ST7: variants seen among roughly 807,000 people sequenced by gnomAD.
ST7 encodes suppressor of tumorigenicity 7 protein.
ST7 carries 28 observed loss-of-function variants against 78.7 expected under a neutral mutation model. That is an observed-to-expected ratio of 0.36 (90% CI 0.26 to 0.49). ST7 has a LOEUF of 0.49. Ranked by LOEUF, ST7 falls within the 20% of genes least tolerant of loss-of-function variation. The pLI is 0.99. For synonymous variants in ST7, 247 were observed against 249.6 expected (o/e 0.99, Z 0.10); for missense variants, 418 against 696.0 (o/e 0.60, Z 4.49).
intron 13 of ST7, among the ~76,000 whole-genome samples, chr7:117,214,100 T>C (rs1203471617): frequency 6.6e-6 from 1 of 152,236 alleles, no homozygotes; most frequent in African/African-American, 2.4e-5. Flanking sequence ...ATCTTGATCT[T>C]TTCAAGGCTG....
Position 117,230,159 on chromosome 7 carries a change from C to T in ST7, c.*302C>T. 2.1e-6 allele frequency: 1 copy of T among 484,956 alleles called. No individual in the cohort carries two copies. 30.0% of individuals were successfully genotyped at this position (484,956 alleles called of 1,614,324 possible). ...TAAAATTGTTGATGTCCCAAATAAACCTTTGGATTTACCTTGAGTTTCCTG... is the reference window on the plus strand; with the variant it reads ...TAAAATTGTTGATGTCCCAAATAAATCTTTGGATTTACCTTGAGTTTCCTG... On this transcript the variant is annotated 3_prime_UTR_variant, in exon 16 of 16. Coordinates refer to ENST00000323984, the MANE Select transcript of ST7 (RefSeq NM_001369598.1).
rs1185539217 is a variant in ST7 at position 116,982,900 on chromosome 7, TA to T, written c.151+29210del. 1.1e-4 allele frequency among the ~76,000 whole-genome samples: 16 copies of T among 151,908 alleles called. No homozygotes were observed. The South Asian group carries it at 3.1e-3, about 30-fold the overall frequency. On this transcript the variant is annotated intron_variant, in intron 1 of 15. Transcript: ENST00000323984. ...ATCTATGCACTTTTACATGTATATA[TA>T]TATTTTTTGTTTTTGAGATGGAGTT...
chr7:117,092,600 T>C (rs889953905), intron 1 of ST7, among the ~76,000 whole-genome samples: 2 of 152,154 alleles, frequency 1.3e-5, no homozygotes, highest in African/African-American at 4.8e-5. Flanking sequence ...TTAGTAAGGT[T>C]GAAAGAACAA....
At chr7:117,110,237 GA>G (rs1445493158) in intron 2 of ST7, among the ~76,000 whole-genome samples, 2 of 152,016 alleles carry the variant, frequency 1.3e-5, no homozygotes, top group Admixed American at 6.5e-5. Flanking sequence ...TAAGCAAATA[GA>G]AAAAAAGAAC....
intron 1 of ST7, among the ~76,000 whole-genome samples, chr7:117,068,596 A>G (rs1798759291): frequency 6.6e-6 from 1 of 152,248 alleles, no homozygotes; most frequent in Non-Finnish European, 1.5e-5. Flanking sequence ...AGAAAAATGA[A>G]GTCTTCCTTT....
intron 2 of ST7, chr7:117,112,229 T>C (rs1802489410): frequency 6.6e-6 from 1 of 152,080 alleles, no homozygotes; most frequent in African/African-American, 2.4e-5. Flanking sequence ...AATTCATGGA[T>C]TAAATGTAAA....
At chr7:117,112,755 A>T (rs1185652257) in intron 2 of ST7, 1 of 152,238 alleles carries the variant, frequency 6.6e-6, no homozygotes, top group East Asian at 1.9e-4. Context: ...ATAAATGTCA[A>T]GCTGTGTCAT....
intron 9 of ST7, among the ~76,000 whole-genome samples, chr7:117,165,319 A>T (rs922080064): frequency 6.6e-6 from 1 of 152,182 alleles, no homozygotes; most frequent in African/African-American, 2.4e-5. Flanking sequence ...CTGGTGACAG[A>T]GACTTCTCTA....
chr7:117,071,222 CAAAACAAAAACA>C (rs535283758), intron 1 of ST7, among the ~76,000 whole-genome samples: 373 of 152,092 alleles, frequency 2.5e-3, no homozygotes, highest in African/African-American at 8.4e-3. Flanking sequence ...GACTCCGTCT[CAAAACAAAAACA>C]AAAACAAAAA....
chr7:117,147,425 A>T (rs1047227706), intron 9 of ST7, among the ~76,000 whole-genome samples: 1 of 152,174 alleles, frequency 6.6e-6, no homozygotes, highest in Non-Finnish European at 1.5e-5. Flanking sequence ...GACTATGCCC[A>T]TGTATCTCAG....
chr7:117,210,393 C>T (rs1213035990), intron 13 of ST7, among the ~76,000 whole-genome samples: 2 of 152,204 alleles, frequency 1.3e-5, no homozygotes, highest in Non-Finnish European at 2.9e-5. Flanking sequence ...GGCAGTTATG[C>T]TTCAAACCAA....
At chr7:117,008,038 A>G (rs367650248) in intron 1 of ST7, among the ~76,000 whole-genome samples, 7 of 152,214 alleles carry the variant, frequency 4.6e-5, no homozygotes, top group Admixed American at 1.3e-4. Flanking sequence ...TATATTTTCA[A>G]TAGCCTTTCA....
chr7:116,975,302 C>T (rs949284910), intron 1 of ST7, among the ~76,000 whole-genome samples: 1 of 152,196 alleles, frequency 6.6e-6, no homozygotes, highest in African/African-American at 2.4e-5. Flanking sequence ...AATTACCTCC[C>T]ACTAAGTCCC....
chr7:117,115,892 A>G (rs760770732), intron 2 of ST7, among the ~76,000 whole-genome samples: 2 of 152,112 alleles, frequency 1.3e-5, no homozygotes, highest in Non-Finnish European at 2.9e-5. Context: ...CACCCAGTCA[A>G]CCTTCCAAAT....
chr7:117,140,173 A>G (rs1012885325), intron 9 of ST7, among the ~76,000 whole-genome samples: 8 of 152,226 alleles, frequency 5.3e-5, no homozygotes, highest in African/African-American at 1.9e-4. Flanking sequence ...ATTAAAATCA[A>G]TGCATCTACA....
chr7:116,998,094 A>G (rs771249944), intron 1 of ST7, among the ~76,000 whole-genome samples: 1 of 152,194 alleles, frequency 6.6e-6, no homozygotes, highest in Non-Finnish European at 1.5e-5. Context: ...CCATGGAGGC[A>G]GGGGGGAGGC....
At chr7:117,008,925 G>A (rs955068712) in intron 1 of ST7, among the ~76,000 whole-genome samples, 14 of 151,930 alleles carry the variant, frequency 9.2e-5, no homozygotes, top group African/African-American at 2.2e-4. Flanking sequence ...AAAAGAATAC[G>A]TCATGATATG....
intron 1 of ST7, chr7:116,972,376 G>C: frequency 1.5e-6 from 1 of 651,758 alleles, no homozygotes; most frequent in Non-Finnish European, 2.8e-6. Flanking sequence ...TTCTTTTTGA[G>C]AGTACTTTTC....
intron 12 of ST7, among the ~76,000 whole-genome samples, chr7:117,195,572 C>G (rs879494050): frequency 6.6e-6 from 1 of 152,150 alleles, no homozygotes; most frequent in South Asian, 2.1e-4. Flanking sequence ...AACTTACATT[C>G]ATAGCGGAAG....
Sources: allele counts gnomAD v4.1 joint callset (sites outside exome capture counted in the v4.1 genomes callset), GRCh38; gene constraint gnomAD v4.1.1; transcripts MANE v1.5; gene names NCBI Gene and HGNC (gene_info 2026-07-23, HGNC 2026-07-21).